The following ASXL1 variants were observed in gnomAD, a reference collection of about 807,000 sequenced individuals.
The protein encoded by ASXL1 is ASXL transcriptional regulator 1.
A neutral mutation model predicts 89.1 loss-of-function variants in ASXL1; 65 were observed. The observed-to-expected ratio is 0.73, with a 90% confidence interval of 0.60 to 0.90. The LOEUF is 0.90. ASXL1 is among the 40% of genes least tolerant of loss of function. ASXL1 has a pLI of 0.00. For missense variants in ASXL1, 1,786 were observed against 1,942.9 expected (o/e 0.92, Z 1.52); for synonymous variants, 739 against 746.9 (o/e 0.99, Z 0.17).
chr20:32,361,494 C>T (rs557757988), intron 1 of ASXL1, among the ~76,000 whole-genome samples: 12 of 151,206 alleles, frequency 7.9e-5, no homozygotes, highest in South Asian at 2.1e-4. Context: ...AAAAATTAGC[C>T]GGGTGTGGTG....
Position 32,359,907 on chromosome 20 carries a change from GA to G in ASXL1, c.57+1076del, listed in dbSNP as rs1569230109. Reference sequence around the variant, plus strand: ...GTTATACTAAGATGTCAGTTCCTAAGATCTGTCACACAGCGAGGTTGTGGTG... The same window carrying G: ...GTTATACTAAGATGTCAGTTCCTAAGTCTGTCACACAGCGAGGTTGTGGTG... On this transcript the variant is annotated intron_variant, in intron 1 of 12. Coordinates refer to ENST00000375687, the MANE Select transcript of ASXL1 (RefSeq NM_015338.6). 45 of 710,364 alleles carry G rather than the reference GA, an allele frequency of 6.3e-5. No homozygotes were observed. In the African/African-American group the frequency reaches 7.9e-4, roughly 12 times the overall value. The allele number at this position is 710,364 out of a possible 1,614,324, so 44.0% of individuals were successfully genotyped here. A position where few individuals can be genotyped will look rare whatever the true frequency, so the allele number is the denominator to read the frequency against.
rs752824843 is a variant in ASXL1 at position 32,433,859 on chromosome 20, G to A, written c.1661G>A (p.Ser554Asn). ...CAGTCCTTTCGTAACACAATTGAAA[G>A]TGTTCACACCGAAAAGCCACAGCCC... Reference protein sequence around the residue: ...DRQSFRNTIESVHTEKPQPTK... With the variant: ...DRQSFRNTIENVHTEKPQPTK... The change falls in exon 12 of 13, where the codon AGT becomes AAT. Residue 554 changes from serine (S) to asparagine (N), a missense_variant. Physicochemically the swap from Ser to Asn is conservative, Grantham distance 46. Around this residue, in one of 3 missense-constraint regions of ASXL1, gnomAD observed 1,418 missense variants for 1,427.8 expected, o/e 0.99. Transcript: ENST00000375687. 41 of 1,613,976 alleles carry A rather than the reference G, an allele frequency of 2.5e-5. No individual in the cohort carries two copies. The Middle Eastern group carries it at 6.6e-4, about 26-fold the overall frequency.
At chr20:32,414,316 T>C (rs1164953399) in intron 4 of ASXL1, among the ~76,000 whole-genome samples, 2 of 152,032 alleles carry the variant, frequency 1.3e-5, no homozygotes, top group Non-Finnish European at 2.9e-5. Flanking sequence ...TTTCTTTTTT[T>C]TTTTTAATCA....
chr20:32,417,183 G>A (rs1384116356), intron 4 of ASXL1, among the ~76,000 whole-genome samples: 1 of 152,100 alleles, frequency 6.6e-6, no homozygotes, highest in African/African-American at 2.4e-5. Context: ...TGCTGGTGGT[G>A]CTGATACACA....
intron 10 of ASXL1, chr20:32,432,626 T>C: frequency 2.3e-6 from 1 of 439,648 alleles, no homozygotes; most frequent in Middle Eastern, 6.9e-4. Flanking sequence ...ATGTTAACTT[T>C]TTATCTACAC....
At chr20:32,375,824 G>A (rs1179339945) in intron 4 of ASXL1, among the ~76,000 whole-genome samples, 1 of 151,870 alleles carries the variant, frequency 6.6e-6, no homozygotes, top group Admixed American at 6.6e-5. Context: ...TGGAATTAGA[G>A]GTGCGTGACA....
intron 4 of ASXL1, among the ~76,000 whole-genome samples, chr20:32,394,746 C>G (rs951863564): frequency 6.6e-6 from 1 of 151,448 alleles, no homozygotes; most frequent in African/African-American, 2.4e-5. Context: ...CGGAGTCTCA[C>G]TCGGTTGCCC....
In ASXL1 at chr20:32,425,854, G is replaced by A. The variant is rs568822275; in HGVS notation, c.253-2274G>A. On this transcript the variant is annotated intron_variant, in intron 4 of 12. Coordinates refer to ENST00000375687, the MANE Select transcript of ASXL1 (RefSeq NM_015338.6). Reference sequence around the variant, plus strand: ...CAAGTAGCTGGGACTGCAGGTGTGCGCCACCACGCCCAGCTAATTTTTGTA... The same window carrying A: ...CAAGTAGCTGGGACTGCAGGTGTGCACCACCACGCCCAGCTAATTTTTGTA... Among the ~76,000 whole-genome samples the A allele has an allele frequency of 9.2e-5, 14 of 152,142 alleles. No individual in the cohort carries two copies. In the South Asian group the frequency reaches 2.7e-3, roughly 29 times the overall value.
Position 32,434,899 on chromosome 20 carries a change from C to T in ASXL1, c.2187C>T (p.Ser729=). 6.2e-7 allele frequency: 1 copy of T among 1,614,192 alleles called. No individual in the cohort carries two copies. Among genetic ancestry groups the T allele is most frequent in the Non-Finnish European group, 8.5e-7 (1 of 1,180,032 alleles). Residue 729 remains serine (S), a synonymous_variant, in exon 13 of 13, where the codon AGC becomes AGT. Transcript: ENST00000375687. ...EDLPSLRKEE[S]CLLQRATVGL... ...TGCCTTCTCTGAGAAAGGAGGAAAG[C>T]TGCCTACTACAGAGGGCTACAGTTG...
chr20:32,365,895 C>A (rs1011248778), intron 1 of ASXL1, among the ~76,000 whole-genome samples: 1 of 152,088 alleles, frequency 6.6e-6, no homozygotes, highest in Non-Finnish European at 1.5e-5. Flanking sequence ...ATAATCCCAG[C>A]ACTTTAGGAG....
At chr20:32,366,628 A>G (rs1907781214) in intron 2 of ASXL1, 162 bp downstream of exon 2, 1 of 922,398 alleles carries the variant, frequency 1.1e-6, no homozygotes, top group Non-Finnish European at 1.3e-6. Flanking sequence ...GTCTCAGTGG[A>G]GGGTGGCAGT....
intron 4 of ASXL1, among the ~76,000 whole-genome samples, chr20:32,373,290 T>C (rs1328849061): frequency 6.6e-6 from 1 of 151,978 alleles, no homozygotes; most frequent in African/African-American, 2.4e-5. Flanking sequence ...GGCAGGAGAA[T>C]CACTTTAACC....
intron 1 of ASXL1, among the ~76,000 whole-genome samples, chr20:32,364,695 G>A (rs2048177788): frequency 6.6e-6 from 1 of 152,194 alleles, no homozygotes; most frequent in South Asian, 2.1e-4. Context: ...ACCGTGCCTG[G>A]CCTGTTGAAG....
chr20:32,367,280 G>A (rs1212860909), intron 2 of ASXL1, among the ~76,000 whole-genome samples: 5 of 152,126 alleles, frequency 3.3e-5, no homozygotes, highest in African/African-American at 4.8e-5. Context: ...CTTGGGAGGC[G>A]GAGGCTGGAG....
At chr20:32,431,184 TG>T in intron 8 of ASXL1, 136 bp from the exon 9 acceptor site, 1 of 1,031,102 alleles carries the variant, frequency 9.7e-7, no homozygotes, top group Non-Finnish European at 1.5e-6. Flanking sequence ...CAGGTTAGGA[TG>T]GACTGGACAA....
intron 4 of ASXL1, among the ~76,000 whole-genome samples, chr20:32,388,658 T>G (rs1273404374): frequency 6.6e-6 from 1 of 152,228 alleles, no homozygotes; most frequent in Non-Finnish European, 1.5e-5. Context: ...TATAAATTAT[T>G]GAGAATTTTT....
At chr20:32,364,410 G>A (rs778022788) in intron 1 of ASXL1, among the ~76,000 whole-genome samples, 2 of 149,218 alleles carry the variant, frequency 1.3e-5, no homozygotes, top group Admixed American at 6.7e-5. Context: ...TAGAGACAGG[G>A]TTTCACCATG....
At position 32,408,683 on chromosome 20, in the gene ASXL1, G is replaced by A. The variant is rs538564396; in HGVS notation, c.253-19445G>A. On this transcript the variant is annotated intron_variant, in intron 4 of 12. Transcript: ENST00000375687. Reference sequence around the variant, plus strand: ...TCCTCCTGCCTCAAGCTCCCAAGGCGCTGGGATTATGTGTGTGAGCCACCA... The same window carrying A: ...TCCTCCTGCCTCAAGCTCCCAAGGCACTGGGATTATGTGTGTGAGCCACCA... 4.6e-5 allele frequency among the ~76,000 whole-genome samples: 7 copies of A among 152,240 alleles called. No homozygotes were observed. In the East Asian group the frequency reaches 9.6e-4, roughly 21 times the overall value.
chr20:32,358,386 A>G lies in ASXL1; in HGVS notation c.-390A>G. 1 of 233,880 alleles carries G rather than the reference A, an allele frequency of 4.3e-6. No homozygotes were observed. Among genetic ancestry groups the G allele is most frequent in the Non-Finnish European group, 8.4e-6 (1 of 119,330 alleles). The allele number at this position is 233,880 out of a possible 1,614,324, so 14.5% of individuals were successfully genotyped here. A position where few individuals can be genotyped will look rare whatever the true frequency, so the allele number is the denominator to read the frequency against. ...CGCACGCACCCGGGCGCCGAAGGGA[A>G]AGCCGCGTCTCGCCCTCCCGCCCCG... On this transcript the variant is annotated 5_prime_UTR_variant, in exon 1 of 13. Transcript: ENST00000375687.
Sources: gnomAD v4.1 joint callset for allele counts (sites outside exome capture counted in the v4.1 genomes callset) on GRCh38, gnomAD v4.1.1 for gene constraint, gnomAD v4.1.1 regional missense constraint, MANE v1.5 for transcripts, NCBI Gene and HGNC (gene_info 2026-07-23, HGNC 2026-07-21) for gene names.